Variants in PGBD4 observed in about 807,000 individuals in gnomAD.
PGBD4 encodes piggyBac transposable element derived 4.
PGBD4 carries 1 observed loss-of-function variant against 0.3 expected under a neutral mutation model. That is an observed-to-expected ratio of 3.72 (90% CI 1.32 to 17.64). The LOEUF is 17.64. Ranked by LOEUF, PGBD4 falls within the 30% of genes most tolerant of loss-of-function variation. The probability of loss-of-function intolerance (pLI) is 0.11; values close to 1 mark genes in which losing one functional copy is unlikely to be tolerated. For synonymous variants in PGBD4, 253 were observed against 267.7 expected, an observed-to-expected ratio of 0.95 and a Z score of 0.54; for missense variants, 624 against 719.7, an observed-to-expected ratio of 0.87 and a Z score of 1.52.
In PGBD4 at chr15:34,108,007, G is replaced by A. The variant is rs574706300; in HGVS notation, c.*3718G>A. On this transcript the variant is annotated 3_prime_UTR_variant, in exon 1 of 1. Coordinates refer to ENST00000397766, the MANE Select transcript of PGBD4 (RefSeq NM_152595.5). ...AGACAGAGTCTTGCTCTGTCAGCCA[G>A]GCTGGAGTGCAGTGGCACGATATTG... The A allele has an allele frequency of 5.9e-5, 9 of 152,026 alleles. No homozygotes were observed. Among genetic ancestry groups the A allele is most frequent in the East Asian group, 1.9e-4 (1 of 5,154 alleles). 9.4% of individuals were successfully genotyped at this position (152,026 alleles called of 1,614,324 possible). A position where few individuals can be genotyped will look rare whatever the true frequency, so the allele number is the denominator to read the frequency against.
In PGBD4 at chr15:34,103,508, A is replaced by G; in HGVS notation, c.977A>G (p.Tyr326Cys). 1.2e-6 allele frequency: 2 copies of G among 1,614,218 alleles called. No homozygotes were observed. The highest frequency in any genetic ancestry group is 1.1e-5 in the South Asian group (1 of 91,088). Residue 326 changes from tyrosine (Y) to cysteine (C), a missense_variant, in exon 1 of 1, where the codon TAT becomes TGT. Physicochemically the swap from Tyr to Cys is radical, Grantham distance 194. Transcript: ENST00000397766. The surrounding 1 kb of genome is among the most constrained non-coding windows in gnomAD (Gnocchi z 4.6). ...GTCAATGACCTTCTTGGCCAAGGGT[A>G]TTGTGTCTTCCTCGATAACTTTAAT... ...TLVNDLLGQG[Y>C]CVFLDNFNIS...
chr15:34,103,007 TTGCAGTAATGTTACTGCAAGGTATTG>T lies in PGBD4; in HGVS notation c.482_507del (p.Val161GlufsTer3). 6.2e-7 allele frequency: 1 copy of T among 1,614,146 alleles called. No individual in the cohort carries two copies. The highest frequency in any genetic ancestry group is 8.5e-7 in the Non-Finnish European group (1 of 1,180,042). Reference sequence around the variant, plus strand: ...GACAATGACGAGCTCAAAGTCTTTTTTGCAGTAATGTTACTGCAAGGTATTGTGCAGAAACCTGAGCTGGAGATGTT... The same window carrying T: ...GACAATGACGAGCTCAAAGTCTTTTTTGCAGAAACCTGAGCTGGAGATGTT... On this transcript the variant is annotated frameshift_variant, in exon 1 of 1. Coordinates refer to ENST00000397766, the MANE Select transcript of PGBD4 (RefSeq NM_152595.5). LOFTEE classifies it low-confidence loss of function (END_TRUNC). The surrounding 1 kb of genome is among the most constrained non-coding windows in gnomAD (Gnocchi z 4.6).
In PGBD4 at chr15:34,104,183, A is replaced by T; in HGVS notation, c.1652A>T (p.Asp551Val). ...CKICCSQYDK[D>V]GKKIRKETRY... ...ATTTGCTGCTCCCAATACGACAAGG[A>T]TGGCAAGAAGATCCGGAAAGAAACG... The change falls in exon 1 of 1, where the codon GAT becomes GTT. Residue 551 changes from aspartate to valine, a missense_variant. By Grantham distance (152) the Asp-to-Val change is radical. Transcript: ENST00000397766. The T allele has an allele frequency of 6.2e-7, 1 of 1,614,234 alleles. No individual in the cohort carries two copies. The highest frequency in any genetic ancestry group is 8.5e-7 in the Non-Finnish European group (1 of 1,180,050).
rs1462166842 is a variant in PGBD4 at position 34,103,111 on chromosome 15, G to C, written c.580G>C (p.Gly194Arg). 1.2e-6 allele frequency: 2 copies of C among 1,613,748 alleles called. No homozygotes were observed. ...DTPYLRQIMT[G>R]ERFLLLFRCL... ...ACCTTATCTCAGGCAAATTATGACT[G>C]GTGAAAGATTTTTACTTTTGTTTCG... Residue 194 changes from glycine to arginine, a missense_variant, in exon 1 of 1, where the codon GGT becomes CGT. By Grantham distance (125) the Gly-to-Arg change is moderately radical. Transcript: ENST00000397766. The surrounding 1 kb of genome is among the most constrained non-coding windows in gnomAD (Gnocchi z 4.6).
Position 34,103,859 on chromosome 15 carries a change from C to T in PGBD4, c.1328C>T (p.Ser443Phe). 1.9e-6 allele frequency: 3 copies of T among 1,614,108 alleles called. No individual in the cohort carries two copies. In the South Asian group the frequency reaches 3.3e-5, roughly 18 times the overall value. ...SADQMLTSYP[S>F]ERKRHKVWYK... ...GATCAAATGCTTACTTCTTATCCAT[C>T]TGAGCGCAAAAGACACAAGGTTTGG... Residue 443 changes from serine to phenylalanine, a missense_variant, in exon 1 of 1, where the codon TCT becomes TTT. Ser to Phe is a radical substitution (Grantham distance 155). Transcript: ENST00000397766. This position sits in a 1 kb window ranked among gnomAD's most constrained non-coding sequence, Gnocchi z 4.6.
At position 34,102,677 on chromosome 15, in the gene PGBD4, A is replaced by G. The variant is rs146817012; in HGVS notation, c.146A>G (p.Asp49Gly). ...DNFSDSALEA[D>G]KIRPLSHLES... ...TTTTCGGATAGTGCTTTAGAAGCCG[A>G]TAAGATCAGGCCTCTGTCCCATTTA... Residue 49 changes from aspartate (D) to glycine (G), a missense_variant, in exon 1 of 1, where the codon GAT becomes GGT. Coordinates refer to ENST00000397766, the MANE Select transcript of PGBD4 (RefSeq NM_152595.5). This position sits in a 1 kb window ranked among gnomAD's most constrained non-coding sequence, Gnocchi z 4.7. The G allele has an allele frequency of 2.0e-5, 32 of 1,614,202 alleles. No individual in the cohort carries two copies. The African/African-American group carries it at 3.5e-4, about 17-fold the overall frequency.
At position 34,102,385 on chromosome 15, in the gene PGBD4, G is replaced by A; in HGVS notation, c.-147G>A. 7.6e-7 allele frequency: 1 copy of A among 1,314,862 alleles called. No homozygotes were observed. Among genetic ancestry groups the A allele is most frequent in the Non-Finnish European group, 1.0e-6 (1 of 1,000,306 alleles). 81.4% of individuals were successfully genotyped at this position (1,314,862 alleles called of 1,614,324 possible). ...TTACAGTGCCAACCTTACTCCCAAAGTTTGCCACGAAATATCTCGCTTCTG... is the reference window on the plus strand; with the variant it reads ...TTACAGTGCCAACCTTACTCCCAAAATTTGCCACGAAATATCTCGCTTCTG... On this transcript the variant is annotated 5_prime_UTR_variant, in exon 1 of 1. Transcript: ENST00000397766. The surrounding 1 kb of genome is among the most constrained non-coding windows in gnomAD (Gnocchi z 4.7).
rs1358772160 is a variant in PGBD4, at chr15:34,102,743, G to C, written c.212G>C (p.Arg71Pro). ...AGCTCTACATCAAGTGACTCAGGGC[G>C]CTCCATGAAATGGTCAGCTCGTGCT... is the stretch of plus-strand genomic sequence containing the variant. ...GKSSTSSDSG[R>P]SMKWSARAMI... Residue 71 changes from arginine to proline, a missense_variant, in exon 1 of 1, where the codon CGC (arginine) becomes CCC (proline). Arg to Pro is a moderately radical substitution (Grantham distance 103). Transcript: ENST00000397766. This position sits in a 1 kb window ranked among gnomAD's most constrained non-coding sequence, Gnocchi z 4.7. 1 of 1,614,082 alleles carries C rather than the reference G, an allele frequency of 6.2e-7. No homozygotes were observed. Among genetic ancestry groups the C allele is most frequent in the South Asian group, 1.1e-5 (1 of 91,080 alleles).
Position 34,103,091 on chromosome 15 carries a change from A to G in PGBD4, c.560A>G (p.Tyr187Cys), listed in dbSNP as rs750598314. 4 of 1,613,952 alleles carry G rather than the reference A, an allele frequency of 2.5e-6. No homozygotes were observed. Among genetic ancestry groups the G allele is most frequent in the Non-Finnish European group, 2.5e-6 (3 of 1,179,998 alleles). The part of the protein sequence containing the change: ...WSTRPLLDTP[Y>C]LRQIMTGERF... ...ACAAGGCCTCTTTTGGATACACCTT[A>G]TCTCAGGCAAATTATGACTGGTGAA... is the stretch of plus-strand genomic sequence containing the variant. The change falls in exon 1 of 1, where the codon TAT becomes TGT. Residue 187 changes from tyrosine to cysteine, a missense_variant. Physicochemically the swap from Tyr to Cys is radical, Grantham distance 194. Transcript: ENST00000397766. This position sits in a 1 kb window ranked among gnomAD's most constrained non-coding sequence, Gnocchi z 4.6.
Position 34,106,812 on chromosome 15 carries a change from G to A in PGBD4, c.*2523G>A, listed in dbSNP as rs1402850440. On this transcript the variant is annotated 3_prime_UTR_variant, in exon 1 of 1. Transcript: ENST00000397766. Reference sequence around the variant, plus strand: ...TAAGGCCAGGCACAGTGGCATGCCTGTAGTCCCAGCTACTCAGAAGGTTGA... The same window carrying A: ...TAAGGCCAGGCACAGTGGCATGCCTATAGTCCCAGCTACTCAGAAGGTTGA... 1.3e-5 allele frequency: 2 copies of A among 151,856 alleles called. No individual in the cohort carries two copies. The highest frequency in any genetic ancestry group is 6.6e-5 in the Admixed American group (1 of 15,234). The allele number at this position is 151,856 out of a possible 1,614,324, so 9.4% of individuals were successfully genotyped here.
In PGBD4 at chr15:34,108,577, C is replaced by T. The variant is rs1446051660; in HGVS notation, c.*4288C>T. 3 of 151,898 alleles carry T rather than the reference C, an allele frequency of 2.0e-5. No homozygotes were observed. The East Asian group carries it at 5.8e-4, about 29-fold the overall frequency. The allele number at this position is 151,898 out of a possible 1,614,324, so 9.4% of individuals were successfully genotyped here. The stretch of plus-strand genomic sequence containing the variant: ...ACAAAGGATTATAATGTGCTACAGC[C>T]CTCTGACCATTACACTTTCTAAACT... On this transcript the variant is annotated 3_prime_UTR_variant, in exon 1 of 1. Coordinates refer to ENST00000397766, the MANE Select transcript of PGBD4 (RefSeq NM_152595.5).
Position 34,105,359 on chromosome 15 carries a change from A to G in PGBD4, c.*1070A>G, listed in dbSNP as rs1207413982. 1 of 167,138 alleles carries G rather than the reference A, an allele frequency of 6.0e-6. No individual in the cohort carries two copies. The highest frequency in any genetic ancestry group is 1.5e-5 in the Non-Finnish European group (1 of 68,138). 10.4% of individuals were successfully genotyped at this position (167,138 alleles called of 1,614,324 possible). A position where few individuals can be genotyped will look rare whatever the true frequency, so the allele number is the denominator to read the frequency against. ...TGGTGGAAAGTGAAGTGACTTGCCCAAGATCTTTGTTGGCCCTAAACATCG... is the reference window on the plus strand; with the variant it reads ...TGGTGGAAAGTGAAGTGACTTGCCCGAGATCTTTGTTGGCCCTAAACATCG... On this transcript the variant is annotated 3_prime_UTR_variant, in exon 1 of 1. Coordinates refer to ENST00000397766, the MANE Select transcript of PGBD4 (RefSeq NM_152595.5).
rs528777226 is a variant in PGBD4 at position 34,103,649 on chromosome 15, C to A, written c.1118C>A (p.Thr373Lys). Residue 373 changes from threonine (T) to lysine (K), a missense_variant, in exon 1 of 1, where the codon ACG becomes AAG. Transcript: ENST00000397766. The surrounding 1 kb of genome is among the most constrained non-coding windows in gnomAD (Gnocchi z 4.6). ...CTGAAAAAAAGGATTGCAAAGGGGA[C>A]GACTGTAGCCAGATTCTGTGGTGAA... ...NDLKKRIAKGTTVARFCGELM... is the reference protein window; with the variant it reads ...NDLKKRIAKGKTVARFCGELM... The A allele has an allele frequency of 9.0e-5, 145 of 1,614,076 alleles. 2 individuals carry two copies. In the South Asian group the frequency reaches 1.5e-3, roughly 17 times the overall value.
In PGBD4 at chr15:34,107,107, G is replaced by T. The variant is rs528788700; in HGVS notation, c.*2818G>T. On this transcript the variant is annotated 3_prime_UTR_variant, in exon 1 of 1. Transcript: ENST00000397766. Reference sequence around the variant, plus strand: ...ACAAATAACATTCTAGAAATAAATTGTTTAATATAAAATACACTAATATAT... The same window carrying T: ...ACAAATAACATTCTAGAAATAAATTTTTTAATATAAAATACACTAATATAT... 1 of 150,688 alleles carries T rather than the reference G, an allele frequency of 6.6e-6. No homozygotes were observed. The highest frequency in any genetic ancestry group is 1.5e-5 in the Non-Finnish European group (1 of 67,830). 9.3% of individuals were successfully genotyped at this position (150,688 alleles called of 1,614,324 possible).
chr15:34,107,972 GTTTGT>G lies in PGBD4; in HGVS notation c.*3688_*3692del, dbSNP rs1887787363. On this transcript the variant is annotated 3_prime_UTR_variant, in exon 1 of 1. Transcript: ENST00000397766. ...CCACCATGCCTGGCTCTTCTTGCTT[GTTTGT>G]TTTGAGACAGAGTCTTGCTCTGTCA... The G allele has an allele frequency of 6.8e-6, 1 of 147,330 alleles. No homozygotes were observed. Among genetic ancestry groups the G allele is most frequent in the Non-Finnish European group, 1.5e-5 (1 of 66,934 alleles). The allele number at this position is 147,330 out of a possible 1,614,324, so 9.1% of individuals were successfully genotyped here.
rs1244324692 is a variant in PGBD4 at position 34,106,966 on chromosome 15, A to G, written c.*2677A>G. 2.0e-5 allele frequency: 3 copies of G among 149,232 alleles called. No individual in the cohort carries two copies. Among genetic ancestry groups the G allele is most frequent in the Admixed American group, 1.3e-4 (2 of 14,924 alleles). 9.2% of individuals were successfully genotyped at this position (149,232 alleles called of 1,614,324 possible). A position where few individuals can be genotyped will look rare whatever the true frequency, so the allele number is the denominator to read the frequency against. ...AGCCAGACCCTGTCTCTAAAAAAAA[A>G]AAAAAAAAAAAAAAAGACAAAAAAA... On this transcript the variant is annotated 3_prime_UTR_variant, in exon 1 of 1. Coordinates refer to ENST00000397766, the MANE Select transcript of PGBD4 (RefSeq NM_152595.5).
rs1375952843 is a variant in PGBD4 at position 34,107,063 on chromosome 15, ATATT to A, written c.*2781_*2784del. The A allele has an allele frequency of 1.2e-4, 18 of 150,910 alleles. No individual in the cohort carries two copies. The highest frequency in any genetic ancestry group is 4.1e-4 in the African/African-American group (17 of 41,264). The allele number at this position is 150,910 out of a possible 1,614,324, so 9.3% of individuals were successfully genotyped here. On this transcript the variant is annotated 3_prime_UTR_variant, in exon 1 of 1. Coordinates refer to ENST00000397766, the MANE Select transcript of PGBD4 (RefSeq NM_152595.5). ...TTGTGTGAAAAAAGGGGCAAAATAT[ATATT>A]TATTTAACTTATATACAAATAACAT... is the stretch of plus-strand genomic sequence containing the variant.
rs1887792158 is a variant in PGBD4 at position 34,108,369 on chromosome 15, C to T, written c.*4080C>T. On this transcript the variant is annotated 3_prime_UTR_variant, in exon 1 of 1. Coordinates refer to ENST00000397766, the MANE Select transcript of PGBD4 (RefSeq NM_152595.5). The stretch of plus-strand genomic sequence containing the variant: ...AAGAGGAATAAAGCCATGTGTTCAG[C>T]CAAGGATAGTTATCATGAAGGATAA... 6.6e-6 allele frequency: 1 copy of T among 152,110 alleles called. No individual in the cohort carries two copies. Among genetic ancestry groups the T allele is most frequent in the South Asian group, 2.1e-4 (1 of 4,818 alleles). 9.4% of individuals were successfully genotyped at this position (152,110 alleles called of 1,614,324 possible). A position where few individuals can be genotyped will look rare whatever the true frequency, so the allele number is the denominator to read the frequency against.
rs1901200233 is a variant in PGBD4, at chr15:34,102,701, T to C, written c.170T>C (p.Leu57Ser). 2 of 1,614,180 alleles carry C rather than the reference T, an allele frequency of 1.2e-6. No homozygotes were observed. Among genetic ancestry groups the C allele is most frequent in the East Asian group, 2.2e-5 (1 of 44,888 alleles). The change falls in exon 1 of 1, where the codon TTA (leucine) becomes TCA (serine). Residue 57 changes from leucine to serine, a missense_variant. Physicochemically the swap from Leu to Ser is moderately radical, Grantham distance 145. Transcript: ENST00000397766. This position sits in a 1 kb window ranked among gnomAD's most constrained non-coding sequence, Gnocchi z 4.7. ...GATAAGATCAGGCCTCTGTCCCATT[T>C]AGAATCTGATGGAAAGAGCTCTACA... is the stretch of plus-strand genomic sequence containing the variant. ...EADKIRPLSH[L>S]ESDGKSSTSS...
Sources: gnomAD v4.1 joint callset for allele counts on GRCh38, gnomAD v4.1.1 for gene constraint, Gnocchi (gnomAD v3.1) non-coding constraint, MANE v1.5 for transcripts, NCBI Gene and HGNC (gene_info 2026-07-23, HGNC 2026-07-21) for gene names.